The following MICAL2 variants were observed in gnomAD, a reference collection of about 807,000 sequenced individuals.
MICAL2 encodes the protein microtubule associated monooxygenase, calponin and LIM domain containing 2.
MICAL2 carries 77 observed loss-of-function variants against 127.3 expected under a neutral mutation model. That is an observed-to-expected ratio of 0.60 (90% CI 0.50 to 0.73). The LOEUF is 0.73. Ranked by LOEUF, MICAL2 falls within the 30% of genes least tolerant of loss-of-function variation. MICAL2 has a pLI of 0.00. For synonymous variants in MICAL2, 570 were observed against 551.1 expected, an observed-to-expected ratio of 1.03 and a Z score of -0.48; for missense variants, 1,351 against 1,434.4, an observed-to-expected ratio of 0.94 and a Z score of 0.94.
intron 3 of MICAL2, among the ~76,000 whole-genome samples, chr11:12,179,186 A>C (rs1857162515): frequency 6.6e-6 from 1 of 152,008 alleles, no homozygotes; most frequent in African/African-American, 2.4e-5. Context: ...CTCCTGCCTC[A>C]CCAACCTGTT....
At position 12,218,258 on chromosome 11, in the gene MICAL2, C is replaced by G. The variant is rs11022251; in HGVS notation, c.948+1939C>G. Among the ~76,000 whole-genome samples, 93 of 152,332 alleles carry G rather than the reference C, an allele frequency of 6.1e-4. 1 individual carries two copies. In the East Asian group the frequency reaches 0.012, roughly 19 times the overall value. On this transcript the variant is annotated intron_variant, in intron 8 of 27. Transcript: ENST00000683283. ...CAGGGAGGATGTCCCATCCCAGAGCCTCCCTGGGCCCCTGCCTCTGCTGGC... is the reference window on the plus strand; with the variant it reads ...CAGGGAGGATGTCCCATCCCAGAGCGTCCCTGGGCCCCTGCCTCTGCTGGC...
chr11:12,326,786 G>A (rs142115998), intron 31 of MICAL2, among the ~76,000 whole-genome samples: 2 of 152,250 alleles, frequency 1.3e-5, no homozygotes, highest in Non-Finnish European at 2.9e-5. Flanking sequence ...GTTTGCCCCT[G>A]GACCCCCTAC....
chr11:12,175,353 G>C (rs1856718200), intron 3 of MICAL2, among the ~76,000 whole-genome samples: 1 of 152,084 alleles, frequency 6.6e-6, no homozygotes, highest in Non-Finnish European at 1.5e-5. Context: ...GTGGGTGCCT[G>C]TAATCCCAGC....
At chr11:12,304,496 G>A (rs951047010) in intron 29 of MICAL2, among the ~76,000 whole-genome samples, 1 of 152,054 alleles carries the variant, frequency 6.6e-6, no homozygotes, top group African/African-American at 2.4e-5. Context: ...TTAGCCGGGC[G>A]TGGTGGCGCA....
chr11:12,110,928 C>A lies in MICAL2; in HGVS notation c.-149+202C>A, dbSNP rs1395560858. 1.3e-5 allele frequency among the ~76,000 whole-genome samples: 2 copies of A among 152,178 alleles called. No homozygotes were observed. The highest frequency in any genetic ancestry group is 2.9e-5 in the Non-Finnish European group (2 of 68,024). ...CGACGAAGCCCGGGGCGGCCCTGGC[C>A]GGCCTCTGAACCAATTAGAACGCAA... On this transcript the variant is annotated intron_variant, in intron 1 of 27. Transcript: ENST00000683283. This position sits in a 1 kb window ranked among gnomAD's most constrained non-coding sequence, Gnocchi z 4.5.
chr11:12,133,034 T>C (rs1851550270), intron 1 of MICAL2, among the ~76,000 whole-genome samples: 1 of 152,204 alleles, frequency 6.6e-6, no homozygotes, highest in South Asian at 2.1e-4. Context: ...ATTTTGGTTC[T>C]TAGTTTTTGC....
chr11:12,345,761 A>G (rs1938944036), intron 32 of MICAL2, among the ~76,000 whole-genome samples: 1 of 152,234 alleles, frequency 6.6e-6, no homozygotes, highest in African/African-American at 2.4e-5. Flanking sequence ...TGCTGCTAAA[A>G]AGACTTCTGC....
At chr11:12,312,547 C>T (rs1864186144) in intron 29 of MICAL2, among the ~76,000 whole-genome samples, 1 of 152,078 alleles carries the variant, frequency 6.6e-6, no homozygotes, top group South Asian at 2.1e-4. Context: ...CCCCCTCACC[C>T]TCTGAAAGGT....
intron 3 of MICAL2, among the ~76,000 whole-genome samples, chr11:12,200,961 G>T (rs1186896808): frequency 2.6e-5 from 4 of 152,066 alleles, no homozygotes; most frequent in African/African-American, 9.7e-5. Flanking sequence ...AGGAAAAGAT[G>T]TACTAACTGC....
Position 12,302,003 on chromosome 11 carries a change from G to A in MICAL2, c.5212+7146G>A, listed in dbSNP as rs191866414. 4.7e-4 allele frequency among the ~76,000 whole-genome samples: 71 copies of A among 152,212 alleles called. 1 individual carries two copies. In the South Asian group the frequency reaches 0.013, roughly 27 times the overall value. ...ACAGTGGTGCCTGTCATCCCGTGTCGGCTAAAACAAGCAGTCCATTATTCT... is the reference window on the plus strand; with the variant it reads ...ACAGTGGTGCCTGTCATCCCGTGTCAGCTAAAACAAGCAGTCCATTATTCT... On this transcript the variant is annotated intron_variant, in intron 29 of 34. Coordinates refer to the MICAL2 transcript ENST00000646065.
chr11:12,169,471 C>T (rs929772005), intron 3 of MICAL2, among the ~76,000 whole-genome samples: 9 of 152,140 alleles, frequency 5.9e-5, no homozygotes, highest in African/African-American at 1.7e-4. Context: ...CTGCAACCTC[C>T]GCCTCTCAGG....
chr11:12,166,659 G>A (rs1035557898), intron 3 of MICAL2, among the ~76,000 whole-genome samples: 7 of 152,178 alleles, frequency 4.6e-5, no homozygotes, highest in Non-Finnish European at 1.0e-4. Context: ...CCTTTGTAAA[G>A]TGTAGAAGGC....
intron 1 of MICAL2, among the ~76,000 whole-genome samples, chr11:12,278,541 A>G (rs1330921090): frequency 6.6e-6 from 1 of 152,238 alleles, no homozygotes; most frequent in Non-Finnish European, 1.5e-5. Context: ...ATTATGAAAG[A>G]CATGACTGTA....
At chr11:12,211,968 G>A (rs895853288) in intron 6 of MICAL2, among the ~76,000 whole-genome samples, 2 of 152,112 alleles carry the variant, frequency 1.3e-5, no homozygotes, top group African/African-American at 2.4e-5. Flanking sequence ...ACCTCCACCT[G>A]GCAACCTTCA....
intron 2 of MICAL2, among the ~76,000 whole-genome samples, chr11:12,282,628 T>G (rs1420278177): frequency 6.6e-6 from 1 of 152,236 alleles, no homozygotes; most frequent in Non-Finnish European, 1.5e-5. Flanking sequence ...ATTCTGAGTT[T>G]TCTAGCTTCC....
chr11:12,339,730 G>A (rs1326005196), intron 32 of MICAL2, among the ~76,000 whole-genome samples: 1 of 152,194 alleles, frequency 6.6e-6, no homozygotes, highest in Non-Finnish European at 1.5e-5. Flanking sequence ...CCATTTGCCT[G>A]GGTATCAGCA....
At chr11:12,174,539 T>C (rs562631574) in intron 3 of MICAL2, among the ~76,000 whole-genome samples, 152 of 152,318 alleles carry the variant, frequency 1.0e-3, no homozygotes, top group African/African-American at 3.6e-3. Flanking sequence ...CTGAATAATA[T>C]TCTATCCTAT....
downstream of MICAL2, chr11:12,294,346 A>G (rs762306063): frequency 6.2e-7 from 1 of 1,614,090 alleles, no homozygotes; most frequent in Non-Finnish European, 8.5e-7. Flanking sequence ...CTTTGCCCGC[A>G]CAGGCCTGCA....
chr11:12,163,522 G>A (rs1247303813), intron 3 of MICAL2, among the ~76,000 whole-genome samples: 1 of 152,230 alleles, frequency 6.6e-6, no homozygotes, highest in Non-Finnish European at 1.5e-5. Context: ...TGGGGAGACA[G>A]CTGCCAAGCT....
Sources: allele counts gnomAD v4.1 joint callset (sites outside exome capture counted in the v4.1 genomes callset), GRCh38; gene constraint gnomAD v4.1.1; non-coding constraint Gnocchi (gnomAD v3.1); transcripts MANE v1.5; gene names NCBI Gene and HGNC (gene_info 2026-07-23, HGNC 2026-07-21).